The following B4GALT1 variants were observed in gnomAD, a reference collection of about 807,000 sequenced individuals.
B4GALT1 encodes the protein beta-1,4-galactosyltransferase 1, also known as N-acetyllactosamine synthase.
B4GALT1 carries 16 observed loss-of-function variants against 34.9 expected under a neutral mutation model. The ratio of observed to expected loss-of-function variants is 0.46; its 90% CI spans 0.31 to 0.70. B4GALT1 has a LOEUF of 0.70. Ranked by LOEUF, B4GALT1 falls within the 30% of genes least tolerant of loss-of-function variation. B4GALT1 has a pLI of 0.05. For missense variants in B4GALT1, 445 were observed against 530.5 expected, an observed-to-expected ratio of 0.84 and a Z score of 1.58; for synonymous variants, 221 against 218.1, an observed-to-expected ratio of 1.01 and a Z score of -0.12.
At chr9:33,107,345 G>A (rs1839805261), downstream of B4GALT1, among the ~76,000 whole-genome samples, 3 of 152,198 alleles carry the variant, frequency 2.0e-5, no homozygotes, top group African/African-American at 4.8e-5. Flanking sequence ...GAAGAAACAA[G>A]AGGGAAGGAG....
At chr9:33,165,861 C>A (rs915225474) in intron 1 of B4GALT1, among the ~76,000 whole-genome samples, 13 of 152,194 alleles carry the variant, frequency 8.5e-5, no homozygotes, top group African/African-American at 3.1e-4. Flanking sequence ...AAGCTCTCTG[C>A]CTATGCTGAA....
chr9:33,174,987 AAAAATATATATATAT>A, the B4GALT1 span, among the ~76,000 whole-genome samples: 2 of 35,074 alleles, frequency 5.7e-5, no homozygotes, highest in Non-Finnish European at 1.2e-4. Context: ...AAAAAAAAAA[AAAAATATATATATAT>A]ATATATATAT....
At chr9:33,133,811 T>C (rs1369945338) in intron 2 of B4GALT1, among the ~76,000 whole-genome samples, 1 of 152,182 alleles carries the variant, frequency 6.6e-6, no homozygotes, top group Non-Finnish European at 1.5e-5. Context: ...CTCTGACACC[T>C]GGTCCCAGAG....
At chr9:33,140,760 CTG>C (rs1189033429) in intron 1 of B4GALT1, among the ~76,000 whole-genome samples, 2 of 152,178 alleles carry the variant, frequency 1.3e-5, no homozygotes, top group African/African-American at 4.8e-5. Flanking sequence ...CCGCTTCTCT[CTG>C]TACCAATCTT....
intron 1 of B4GALT1, among the ~76,000 whole-genome samples, chr9:33,142,895 A>T (rs1840373908): frequency 6.6e-6 from 1 of 152,240 alleles, no homozygotes; most frequent in South Asian, 2.1e-4. Context: ...CTGTAATTCC[A>T]GCATTTTGGG....
chr9:33,124,160 C>T (rs959457697), intron 2 of B4GALT1, among the ~76,000 whole-genome samples: 2 of 152,144 alleles, frequency 1.3e-5, no homozygotes, highest in African/African-American at 4.8e-5. Flanking sequence ...AATGCTGTAA[C>T]ACTGGGGCAC....
chr9:33,179,000 C>T, the B4GALT1 span: 3 of 152,184 alleles, frequency 2.0e-5, no homozygotes, highest in Admixed American at 6.5e-5. Context: ...GTGATGCCCA[C>T]CAAGGGCATG....
chr9:33,143,553 C>T (rs191526850), intron 1 of B4GALT1, among the ~76,000 whole-genome samples: 1 of 152,358 alleles, frequency 6.6e-6, no homozygotes, highest in African/African-American at 2.4e-5. Flanking sequence ...TGTGAATTTA[C>T]AGGTTCTTGA....
At chr9:33,147,818 A>C (rs1033294057) in intron 1 of B4GALT1, among the ~76,000 whole-genome samples, 4 of 152,212 alleles carry the variant, frequency 2.6e-5, no homozygotes, top group Admixed American at 2.6e-4. Flanking sequence ...AGATTGCTTG[A>C]GGCCAGGAGT....
At chr9:33,184,111 A>G in the B4GALT1 span, among the ~76,000 whole-genome samples, 1 of 152,172 alleles carries the variant, frequency 6.6e-6, no homozygotes, top group Non-Finnish European at 1.5e-5. Flanking sequence ...CGGCACATGT[A>G]TACCTATGTA....
intron 2 of B4GALT1, among the ~76,000 whole-genome samples, chr9:33,105,165 G>A (rs892452891): frequency 2.0e-5 from 3 of 150,458 alleles, no homozygotes; most frequent in African/African-American, 7.4e-5. Context: ...TTGAGATGGA[G>A]TTTCACTCTT....
the B4GALT1 span, chr9:33,177,556 G>A: frequency 6.6e-6 from 1 of 152,152 alleles, no homozygotes; most frequent in South Asian, 2.1e-4. Flanking sequence ...GCAAAGTTAA[G>A]TAGTAGCAAC....
chr9:33,130,085 G>C (rs991909624), intron 2 of B4GALT1, among the ~76,000 whole-genome samples: 4 of 152,266 alleles, frequency 2.6e-5, no homozygotes, highest in Non-Finnish European at 5.9e-5. Flanking sequence ...TATGCAATCG[G>C]AATTGGAGAG....
chr9:33,130,489 GA>G (rs1564042444), intron 2 of B4GALT1, among the ~76,000 whole-genome samples: 1 of 121,594 alleles, frequency 8.2e-6, no homozygotes, highest in Admixed American at 8.5e-5. Context: ...AGACCTTAAG[GA>G]AAAAGAGCAA....
chr9:33,133,491 G>C (rs1193320436), intron 2 of B4GALT1, among the ~76,000 whole-genome samples: 1 of 152,196 alleles, frequency 6.6e-6, no homozygotes, highest in African/African-American at 2.4e-5. Flanking sequence ...GCCGTCATTG[G>C]TATGTGCTAA....
chr9:33,147,319 G>C (rs1039257289), intron 1 of B4GALT1, among the ~76,000 whole-genome samples: 1 of 147,918 alleles, frequency 6.8e-6, no homozygotes, highest in Non-Finnish European at 1.5e-5. Flanking sequence ...GTGCCATCCC[G>C]GCTTACTGCA....
chr9:33,174,488 A>T, the B4GALT1 span, among the ~76,000 whole-genome samples: 1 of 151,920 alleles, frequency 6.6e-6, no homozygotes, highest in African/African-American at 2.4e-5. Context: ...ATCTCTACTG[A>T]AAATACAAAA....
chr9:33,131,047 G>C (rs1382408548), intron 2 of B4GALT1, among the ~76,000 whole-genome samples: 1 of 152,178 alleles, frequency 6.6e-6, no homozygotes, highest in African/African-American at 2.4e-5. Flanking sequence ...CAGAGCTTAA[G>C]TAACCTGCCT....
rs369926423 is a variant in B4GALT1 at position 33,134,399 on chromosome 9, G to A, written c.648+790C>T. On this transcript the variant is annotated intron_variant, in intron 2 of 5. Coordinates refer to ENST00000379731, the MANE Select transcript of B4GALT1 (RefSeq NM_001497.4). ...GTTAGATGTGTCATTGCACCTAGGAGGTTATAGTCTAAAAACATGAATTTA... is the reference window on the plus strand; with the variant it reads ...GTTAGATGTGTCATTGCACCTAGGAAGTTATAGTCTAAAAACATGAATTTA... Among the ~76,000 whole-genome samples, 4 of 152,140 alleles carry A rather than the reference G, an allele frequency of 2.6e-5. No homozygotes were observed. The East Asian group carries it at 7.7e-4, about 29-fold the overall frequency.
Sources: gnomAD v4.1 joint callset for allele counts (sites outside exome capture counted in the v4.1 genomes callset) on GRCh38, gnomAD v4.1.1 for gene constraint, MANE v1.5 for transcripts, NCBI Gene and HGNC (gene_info 2026-07-23, HGNC 2026-07-21) for gene names.